NTNG1: variants seen among roughly 807,000 people sequenced by gnomAD.
NTNG1 encodes netrin G1.
Under a neutral mutation model 54.0 loss-of-function variants are expected in NTNG1, and 16 were observed. That is an observed-to-expected ratio of 0.30 (90% confidence interval 0.20 to 0.45). The LOEUF (loss-of-function observed/expected upper bound fraction) is 0.45. Ranked by LOEUF, NTNG1 falls within the 20% of genes least tolerant of loss-of-function variation. The pLI is 1.00. For synonymous variants in NTNG1, 255 were observed against 263.1 expected, an observed-to-expected ratio of 0.97 and a Z score of 0.30; for missense variants, 530 against 678.7, an observed-to-expected ratio of 0.78 and a Z score of 2.43.
intron 3 of NTNG1, among the ~76,000 whole-genome samples, chr1:107,393,232 C>CA (rs1289416476): frequency 6.6e-6 from 1 of 152,116 alleles, no homozygotes; most frequent in Non-Finnish European, 1.5e-5. Context: ...TCACATTGTT[C>CA]AATTTCCTCA....
At chr1:107,438,984 C>T (rs1374618115) in intron 7 of NTNG1, among the ~76,000 whole-genome samples, 4 of 151,996 alleles carry the variant, frequency 2.6e-5, no homozygotes, top group Admixed American at 6.6e-5. Flanking sequence ...GAGTACCTAC[C>T]GTGACTTAGG....
At chr1:107,187,170 A>G (rs1216990663) in intron 2 of NTNG1, among the ~76,000 whole-genome samples, 2 of 151,924 alleles carry the variant, frequency 1.3e-5, no homozygotes, top group African/African-American at 2.4e-5. Flanking sequence ...TACTCTCTGT[A>G]TTTTTTTAAA....
intron 2 of NTNG1, among the ~76,000 whole-genome samples, chr1:107,204,209 T>G (rs1287902134): frequency 6.6e-6 from 1 of 152,138 alleles, no homozygotes; most frequent in African/African-American, 2.4e-5. Context: ...TAGCATTAAA[T>G]TTTCTTTACT....
intron 7 of NTNG1, among the ~76,000 whole-genome samples, chr1:107,463,026 A>G (rs971382628): frequency 1.3e-5 from 2 of 152,176 alleles, no homozygotes; most frequent in Non-Finnish European, 2.9e-5. Flanking sequence ...GCCTACCTCC[A>G]ATGGACTCTT....
chr1:107,257,597 G>GATTGTGA (rs549786059), intron 2 of NTNG1, among the ~76,000 whole-genome samples: 218 of 152,316 alleles, frequency 1.4e-3, no homozygotes, highest in African/African-American at 5.1e-3. Context: ...ATTTGGAATT[G>GATTGTGA]ATTGTGAATA....
At position 107,436,774 on chromosome 1, in the gene NTNG1, A is replaced by C. The variant is rs480392; in HGVS notation, c.1365A>C (p.Gly455=). Residue 455 remains glycine, a synonymous_variant, in exon 7 of 8, where the codon GGA becomes GGC. Coordinates refer to ENST00000370068, the MANE Select transcript of NTNG1 (RefSeq NM_001113226.3). ...CTAAGTGTGATGAGTGTCTGCCGGGAAATTCCTGGCACTACGGCTGTCAAC... is the reference window on the plus strand; with the variant it reads ...CTAAGTGTGATGAGTGTCTGCCGGGCAATTCCTGGCACTACGGCTGTCAAC... ...TGPKCDECLP[G]NSWHYGCQPN... The C allele has an allele frequency of 0.99, 1,599,616 of 1,613,278 alleles. 793,941 individuals are homozygous for C. The highest frequency in any genetic ancestry group is 1 in the East Asian group (44,770 of 44,770).
chr1:107,468,852 C>T (rs981851949), intron 7 of NTNG1, among the ~76,000 whole-genome samples: 1 of 38,966 alleles, frequency 2.6e-5, no homozygotes, highest in Non-Finnish European at 6.1e-5. Context: ...AATCCCAGCA[C>T]TTTGGGAGGC....
rs138158324 is a variant in NTNG1 at position 107,377,816 on chromosome 1, A to G, written c.888-17338A>G. On this transcript the variant is annotated intron_variant, in intron 3 of 7. Coordinates refer to ENST00000370068, the MANE Select transcript of NTNG1 (RefSeq NM_001113226.3). Reference sequence around the variant, plus strand: ...GATGTGCAAACGAGGCATCAGACTTACGTCACTAACCAGAAAGCTTACCAT... The same window carrying G: ...GATGTGCAAACGAGGCATCAGACTTGCGTCACTAACCAGAAAGCTTACCAT... 3.1e-4 allele frequency among the ~76,000 whole-genome samples: 47 copies of G among 152,378 alleles called. 2 individuals are homozygous for G. The East Asian group carries it at 9.1e-3, about 29-fold the overall frequency.
At chr1:107,280,018 T>C (rs1265228554) in intron 2 of NTNG1, among the ~76,000 whole-genome samples, 1 of 142,788 alleles carries the variant, frequency 7.0e-6, no homozygotes, top group African/African-American at 2.6e-5. Context: ...GACTTCTGAA[T>C]TCCTGTTCCT....
Position 107,259,425 on chromosome 1 carries a change from G to C in NTNG1, c.247-64857G>C, listed in dbSNP as rs183635310. Among the ~76,000 whole-genome samples the C allele has an allele frequency of 3.9e-5, 6 of 152,256 alleles. No individual in the cohort carries two copies. The East Asian group carries it at 1.2e-3, about 29-fold the overall frequency. The stretch of plus-strand genomic sequence containing the variant: ...AGGAAGCATGTGTAAGGCATGAAAT[G>C]TAACACAGCTTAAATTTACTAGCCC... On this transcript the variant is annotated intron_variant, in intron 2 of 7. Coordinates refer to ENST00000370068, the MANE Select transcript of NTNG1 (RefSeq NM_001113226.3).
chr1:107,436,408 G>A (rs535968534), intron 6 of NTNG1, among the ~76,000 whole-genome samples: 2 of 152,232 alleles, frequency 1.3e-5, no homozygotes, highest in East Asian at 3.9e-4. Flanking sequence ...TCTCCATTAC[G>A]ATCTGTTACC....
At chr1:107,159,026 T>G (rs781606877) in intron 2 of NTNG1, among the ~76,000 whole-genome samples, 54 of 152,276 alleles carry the variant, frequency 3.5e-4, no homozygotes, top group Non-Finnish European at 7.4e-4. Context: ...TGGATTCCTT[T>G]GTGGGTCAGA....
chr1:107,427,806 G>T (rs1675000667), intron 5 of NTNG1, among the ~76,000 whole-genome samples: 1 of 151,956 alleles, frequency 6.6e-6, no homozygotes, highest in Non-Finnish European at 1.5e-5. Context: ...AGCTGAACAT[G>T]ATTTCTTATA....
intron 6 of NTNG1, among the ~76,000 whole-genome samples, chr1:107,433,888 C>T (rs901309805): frequency 6.6e-6 from 1 of 152,170 alleles, no homozygotes; most frequent in African/African-American, 2.4e-5. Flanking sequence ...CCCTATGAGA[C>T]AGCATGAACC....
intron 6 of NTNG1, 45 bp downstream of exon 6, chr1:107,430,962 C>A: frequency 5.7e-6 from 9 of 1,585,286 alleles, no homozygotes; most frequent in Non-Finnish European, 7.8e-6. Context: ...GCCTTTTGAG[C>A]TACGGGGAGA....
intron 2 of NTNG1, among the ~76,000 whole-genome samples, chr1:107,200,251 A>G (rs754597845): frequency 7.2e-5 from 11 of 151,906 alleles, no homozygotes; most frequent in Admixed American, 1.3e-4. Context: ...ACTCTTTGTT[A>G]GGTAAGTACA....
intron 3 of NTNG1, among the ~76,000 whole-genome samples, chr1:107,349,894 T>G (rs1669499378): frequency 1.3e-5 from 2 of 152,164 alleles, no homozygotes; most frequent in Non-Finnish European, 2.9e-5. Context: ...TTAAGAAATT[T>G]TTGGTACATG....
chr1:107,263,971 G>C (rs1328528923), intron 2 of NTNG1, among the ~76,000 whole-genome samples: 1 of 152,092 alleles, frequency 6.6e-6, no homozygotes, highest in Non-Finnish European at 1.5e-5. Flanking sequence ...TTTCTCTTAT[G>C]GTTCTTATCA....
At chr1:107,181,789 G>T (rs914989637) in intron 2 of NTNG1, among the ~76,000 whole-genome samples, 1 of 151,884 alleles carries the variant, frequency 6.6e-6, no homozygotes, top group Non-Finnish European at 1.5e-5. Context: ...TGTGACACAC[G>T]GTGCTTAAAT....
Sources: gnomAD v4.1 joint callset for allele counts (sites outside exome capture counted in the v4.1 genomes callset) on GRCh38, gnomAD v4.1.1 for gene constraint, MANE v1.5 for transcripts, NCBI Gene and HGNC (gene_info 2026-07-23, HGNC 2026-07-21) for gene names.